Variants in ZRANB3 observed in about 807,000 individuals in gnomAD.
ZRANB3 encodes zinc finger RANBP2-type containing 3, also known as DNA annealing helicase and endonuclease ZRANB3.
Under a neutral mutation model 133.8 loss-of-function variants are expected in ZRANB3, and 125 were observed. The ratio of observed to expected loss-of-function variants is 0.93; its 90% CI spans 0.81 to 1.08. The LOEUF (loss-of-function observed/expected upper bound fraction) is 1.08. Among genes scored for constraint, ZRANB3 ranks in the 50% least tolerant of loss-of-function variants. The pLI, the probability that ZRANB3 is intolerant of heterozygous loss-of-function variation, is 0.00. For synonymous variants in ZRANB3, 387 were observed against 432.7 expected, an observed-to-expected ratio of 0.89 and a Z score of 1.31; for missense variants, 1,229 against 1,275.5, an observed-to-expected ratio of 0.96 and a Z score of 0.56.
intron 2 of ZRANB3, among the ~76,000 whole-genome samples, chr2:135,472,630 G>GA (rs1253122835): frequency 6.6e-6 from 1 of 151,678 alleles, no homozygotes; most frequent in Non-Finnish European, 1.5e-5. Context: ...TGGTATAACA[G>GA]AATGCCATTG....
intron 2 of ZRANB3, among the ~76,000 whole-genome samples, chr2:135,427,947 C>T (rs555889311): frequency 6.6e-6 from 1 of 152,208 alleles, no homozygotes; most frequent in East Asian, 1.9e-4. Flanking sequence ...AAATAAGCAA[C>T]ATGGTAAGGA....
At chr2:135,433,752 T>A (rs1040902094) in intron 2 of ZRANB3, among the ~76,000 whole-genome samples, 1 of 152,168 alleles carries the variant, frequency 6.6e-6, no homozygotes, top group African/African-American at 2.4e-5. Context: ...ATACCGGCAC[T>A]TTGGGAGGCC....
chr2:135,228,339 T>C (rs1437889886), intron 13 of ZRANB3: 1 of 200,404 alleles, frequency 5.0e-6, no homozygotes, highest in Non-Finnish European at 9.9e-6. Flanking sequence ...AGTAAGAAGG[T>C]TTTGGAGAGC....
chr2:135,355,866 G>A (rs1168616737), intron 3 of ZRANB3, among the ~76,000 whole-genome samples: 1 of 152,040 alleles, frequency 6.6e-6, no homozygotes, highest in African/African-American at 2.4e-5. Flanking sequence ...CAATTTATCT[G>A]GAAATAGGAT....
intron 8 of ZRANB3, among the ~76,000 whole-genome samples, chr2:135,282,061 T>C (rs1393757243): frequency 3.3e-5 from 5 of 152,294 alleles, no homozygotes; most frequent in African/African-American, 1.2e-4. Context: ...CAAATAATAT[T>C]CCATTGTATG....
In ZRANB3 at chr2:135,324,011, C is replaced by T. The variant is rs189429526; in HGVS notation, c.678-8481G>A. 5.3e-4 allele frequency among the ~76,000 whole-genome samples: 81 copies of T among 152,120 alleles called. 1 individual carries two copies. Among genetic ancestry groups the T allele is most frequent in the African/African-American group, 1.4e-3 (60 of 41,502 alleles). Reference sequence around the variant, plus strand: ...CTCGAACTCCTGACCTCAGGTGATCCGCCCACCTCGGCCTCCCAAAGTGCT... The same window carrying T: ...CTCGAACTCCTGACCTCAGGTGATCTGCCCACCTCGGCCTCCCAAAGTGCT... On this transcript the variant is annotated intron_variant, in intron 6 of 20. Transcript: ENST00000264159.
chr2:135,419,390 TTA>T (rs554324745), intron 2 of ZRANB3, among the ~76,000 whole-genome samples: 2 of 151,046 alleles, frequency 1.3e-5, no homozygotes, highest in Non-Finnish European at 3.0e-5. Context: ...GTGTGTGTGT[TTA>T]TGTGTGTGTG....
chr2:135,285,722 C>T (rs552570130), intron 8 of ZRANB3, among the ~76,000 whole-genome samples: 1 of 152,302 alleles, frequency 6.6e-6, no homozygotes, highest in South Asian at 2.1e-4. Flanking sequence ...AGAAAAATAA[C>T]TGGCATTTCT....
At chr2:135,235,005 T>C (rs567560485) in intron 12 of ZRANB3, among the ~76,000 whole-genome samples, 30 of 152,168 alleles carry the variant, frequency 2.0e-4, no homozygotes, top group Admixed American at 2.0e-3. Context: ...CAGGAGCTGG[T>C]TTTTTGAAAA....
chr2:135,386,771 T>C (rs1379947555), intron 3 of ZRANB3, among the ~76,000 whole-genome samples: 1 of 151,974 alleles, frequency 6.6e-6, no homozygotes, highest in African/African-American at 2.4e-5. Context: ...ATGTTCTCAC[T>C]CTTAGGTGGG....
intron 2 of ZRANB3, among the ~76,000 whole-genome samples, chr2:135,408,633 T>C (rs936906167): frequency 6.6e-6 from 1 of 152,174 alleles, no homozygotes; most frequent in African/African-American, 2.4e-5. Flanking sequence ...CACCATGGAA[T>C]ACTATGCAGC....
At chr2:135,484,312 A>G (rs529260220) in intron 2 of ZRANB3, among the ~76,000 whole-genome samples, 6 of 152,358 alleles carry the variant, frequency 3.9e-5, no homozygotes, top group African/African-American at 1.2e-4. Context: ...GGTAAAAAAG[A>G]AAATGTACAA....
At chr2:135,250,505 C>T (rs867715155) in intron 12 of ZRANB3, among the ~76,000 whole-genome samples, 5 of 152,210 alleles carry the variant, frequency 3.3e-5, no homozygotes, top group Non-Finnish European at 5.9e-5. Flanking sequence ...TAGGCCCTCC[C>T]GTCACAGGCC....
intron 2 of ZRANB3, among the ~76,000 whole-genome samples, chr2:135,404,043 G>A (rs147152039): frequency 0.03 from 4,509 of 152,224 alleles, 211 homozygotes; most frequent in African/African-American, 0.1. Flanking sequence ...CAATCAGAGC[G>A]CCTCTCCTCC....
chr2:135,495,892 A>AT (rs1455031433), intron 2 of ZRANB3, among the ~76,000 whole-genome samples: 1 of 152,172 alleles, frequency 6.6e-6, no homozygotes, highest in Non-Finnish European at 1.5e-5. Context: ...ATTATACTTA[A>AT]TTTTTTAAGC....
At chr2:135,395,060 G>C (rs1687425376) in intron 2 of ZRANB3, among the ~76,000 whole-genome samples, 1 of 151,566 alleles carries the variant, frequency 6.6e-6, no homozygotes, top group Non-Finnish European at 1.5e-5. Flanking sequence ...GCCATCCTGA[G>C]CAAAAACAAA....
chr2:135,425,316 G>A (rs569918229), intron 2 of ZRANB3, among the ~76,000 whole-genome samples: 53 of 152,262 alleles, frequency 3.5e-4, no homozygotes, highest in African/African-American at 1.2e-3. Context: ...GTTTCTGGAC[G>A]AGACATCTAA....
At chr2:135,506,891 G>A (rs981929069) in intron 1 of ZRANB3, among the ~76,000 whole-genome samples, 1 of 152,186 alleles carries the variant, frequency 6.6e-6, no homozygotes, top group African/African-American at 2.4e-5. Flanking sequence ...AATGATTTAT[G>A]AGTCAGTTCT....
chr2:135,395,191 TCCATACA>T (rs1687431819), intron 2 of ZRANB3, among the ~76,000 whole-genome samples: 1 of 151,710 alleles, frequency 6.6e-6, no homozygotes, highest in African/African-American at 2.4e-5. Flanking sequence ...GAGAAACAAA[TCCATACA>T]TCTACAGTGA....
Sources: gnomAD v4.1 joint callset for allele counts (sites outside exome capture counted in the v4.1 genomes callset) on GRCh38, gnomAD v4.1.1 for gene constraint, MANE v1.5 for transcripts, NCBI Gene and HGNC (gene_info 2026-07-23, HGNC 2026-07-21) for gene names.